Variants in GNB4 observed in about 807,000 individuals in gnomAD.
GNB4 encodes G protein subunit beta 4.
Under a neutral mutation model 45.2 loss-of-function variants are expected in GNB4, and 28 were observed. The ratio of observed to expected loss-of-function variants is 0.62; its 90% CI spans 0.46 to 0.85. The LOEUF is 0.85. GNB4 is among the 40% of genes least tolerant of loss of function. The pLI is 0.00. For synonymous variants in GNB4, 132 were observed against 143.7 expected, an observed-to-expected ratio of 0.92 and a Z score of 0.58; for missense variants, 321 against 425.4, an observed-to-expected ratio of 0.75 and a Z score of 2.16.
intron 6 of GNB4, 134 bp from the exon 7 acceptor site, chr3:179,413,915 A>G (rs759123372): frequency 3.3e-5 from 22 of 671,448 alleles, no homozygotes; most frequent in Non-Finnish European, 5.5e-5. Flanking sequence ...CTATAGTTCT[A>G]CTTTTAGTTA....
the GNB4 span, among the ~76,000 whole-genome samples, chr3:179,504,694 G>A: frequency 1.3e-5 from 2 of 152,162 alleles, no homozygotes; most frequent in African/African-American, 4.8e-5. Flanking sequence ...AGGAGTGAAG[G>A]CTATAGTGGA....
Position 179,403,963 on chromosome 3 carries a change from C to T in GNB4, c.916+1227G>A, listed in dbSNP as rs138310461. Among the ~76,000 whole-genome samples, 17 of 151,738 alleles carry T rather than the reference C, an allele frequency of 1.1e-4. No individual in the cohort carries two copies. In the East Asian group the frequency reaches 3.3e-3, roughly 29 times the overall value. On this transcript the variant is annotated intron_variant, in intron 9 of 9. Coordinates refer to ENST00000232564, the MANE Select transcript of GNB4 (RefSeq NM_021629.4). ...AAATAAAATTCAACAAGCCCCCACCCCCAAATGTCCCTGTTCTATAGGGTA... is the reference window on the plus strand; with the variant it reads ...AAATAAAATTCAACAAGCCCCCACCTCCAAATGTCCCTGTTCTATAGGGTA...
chr3:179,485,646 A>G, the GNB4 span, among the ~76,000 whole-genome samples: 1 of 152,182 alleles, frequency 6.6e-6, no homozygotes. Flanking sequence ...TGCAATACAT[A>G]AAACTCAGTG....
At chr3:179,516,268 G>A in the GNB4 span, among the ~76,000 whole-genome samples, 1 of 152,184 alleles carries the variant, frequency 6.6e-6, no homozygotes, top group Non-Finnish European at 1.5e-5. Context: ...TGGGTGATTT[G>A]ACTAATAAAG....
chr3:179,420,355 G>GCCTCAAACTCTTGA (rs1714941891), intron 3 of GNB4, among the ~76,000 whole-genome samples: 1 of 150,158 alleles, frequency 6.7e-6, no homozygotes, highest in Admixed American at 6.6e-5. Context: ...GGCCAGGCTG[G>GCCTCAAACTCTTGA]CCTCAAACTC....
the GNB4 span, among the ~76,000 whole-genome samples, chr3:179,468,552 G>A: frequency 1.3e-5 from 2 of 151,532 alleles, no homozygotes; most frequent in Non-Finnish European, 2.9e-5. Context: ...ACTAATTCAA[G>A]CCATGATGGG....
chr3:179,523,430 T>G, the GNB4 span, among the ~76,000 whole-genome samples: 4 of 152,074 alleles, frequency 2.6e-5, no homozygotes, highest in Non-Finnish European at 5.9e-5. Context: ...TAATGGGTTG[T>G]GGAGGGATTG....
the GNB4 span, among the ~76,000 whole-genome samples, chr3:179,515,547 A>G: frequency 6.6e-6 from 1 of 152,140 alleles, no homozygotes; most frequent in Non-Finnish European, 1.5e-5. Flanking sequence ...CAGGAGAAGG[A>G]ATTTCACAAG....
At chr3:179,407,062 G>A (rs1006146373) in intron 8 of GNB4, among the ~76,000 whole-genome samples, 1 of 152,158 alleles carries the variant, frequency 6.6e-6, no homozygotes, top group African/African-American at 2.4e-5. Flanking sequence ...GATTGGATTT[G>A]CTCCATGCCT....
chr3:179,454,343 G>A (rs887763464), upstream of GNB4, among the ~76,000 whole-genome samples: 6 of 152,170 alleles, frequency 3.9e-5, no homozygotes, highest in African/African-American at 1.2e-4. Flanking sequence ...GGTACTCCAC[G>A]AACAAATAAA....
chr3:179,430,075 CAG>C (rs1173294433), intron 1 of GNB4, among the ~76,000 whole-genome samples: 1 of 17,644 alleles, frequency 5.7e-5, no homozygotes, highest in Non-Finnish European at 1.2e-4. Context: ...GAGAGAGAGA[CAG>C]ACAGACAGAC....
At chr3:179,447,507 C>A (rs1239942082) in intron 1 of GNB4, among the ~76,000 whole-genome samples, 1 of 152,042 alleles carries the variant, frequency 6.6e-6, no homozygotes, top group East Asian at 1.9e-4. Flanking sequence ...CACCACCACG[C>A]CTGGCTAAAA....
At chr3:179,414,832 CACA>C in intron 6 of GNB4, 50 bp downstream of exon 6, 1 of 1,437,788 alleles carries the variant, frequency 7.0e-7, no homozygotes, top group South Asian at 1.5e-5. Context: ...CCTTGATCAG[CACA>C]TTCCACACAA....
intron 8 of GNB4, among the ~76,000 whole-genome samples, chr3:179,407,886 G>A (rs766806610): frequency 3.3e-5 from 5 of 152,238 alleles, no homozygotes; most frequent in South Asian, 2.1e-4. Flanking sequence ...ATTATACACC[G>A]GAAAAACCTC....
At chr3:179,527,735 C>T in the GNB4 span, among the ~76,000 whole-genome samples, 695 of 151,390 alleles carry the variant, frequency 4.6e-3, 2 homozygotes, top group Admixed American at 9.2e-3. Flanking sequence ...TGTGACAAAA[C>T]CAGCTGGTTT....
chr3:179,484,772 G>A, the GNB4 span, among the ~76,000 whole-genome samples: 1 of 151,556 alleles, frequency 6.6e-6, no homozygotes, highest in African/African-American at 2.4e-5. Context: ...TAGTACTGCT[G>A]GTCATGAGTT....
chr3:179,429,763 T>G (rs1715251217), intron 1 of GNB4, among the ~76,000 whole-genome samples: 1 of 152,176 alleles, frequency 6.6e-6, no homozygotes, highest in South Asian at 2.1e-4. Context: ...CAATGGGGCA[T>G]ATCAGTTCTA....
chr3:179,479,657 G>A, the GNB4 span, among the ~76,000 whole-genome samples: 1 of 152,146 alleles, frequency 6.6e-6, no homozygotes, highest in Non-Finnish European at 1.5e-5. Flanking sequence ...GATTCACTAA[G>A]GTCGTCCTGT....
At chr3:179,450,978 G>C (rs376660621) in intron 1 of GNB4, 22 of 152,402 alleles carry the variant, frequency 1.4e-4, no homozygotes, top group African/African-American at 5.3e-4. Flanking sequence ...GGCACGCACG[G>C]GCTCGTGCTC....
Sources: allele counts gnomAD v4.1 joint callset (sites outside exome capture counted in the v4.1 genomes callset), GRCh38; gene constraint gnomAD v4.1.1; transcripts MANE v1.5; gene names NCBI Gene and HGNC (gene_info 2026-07-23, HGNC 2026-07-21).